Variants in KLRD1 observed in about 807,000 individuals in gnomAD.
The protein encoded by KLRD1 is natural killer cells antigen CD94.
KLRD1 carries 21 observed loss-of-function variants against 22.6 expected under a neutral mutation model. The observed-to-expected ratio is 0.93, with a 90% confidence interval of 0.66 to 1.34. The LOEUF (loss-of-function observed/expected upper bound fraction) is 1.34. Ranked by LOEUF, KLRD1 falls within the 40% of genes most tolerant of loss-of-function variation. The pLI, the probability that KLRD1 is intolerant of heterozygous loss-of-function variation, is 0.00. For synonymous variants in KLRD1, 59 were observed against 71.1 expected (o/e 0.83, Z 0.85); for missense variants, 183 against 208.6 (o/e 0.88, Z 0.76).
intron 1 of KLRD1, among the ~76,000 whole-genome samples, chr12:10,256,380 T>C (rs1949394962): frequency 6.6e-6 from 1 of 151,630 alleles, no homozygotes; most frequent in Non-Finnish European, 1.5e-5. Context: ...TTATAGTTAT[T>C]TTCCCACTCA....
rs1023552074 is a variant in KLRD1, at chr12:10,316,023, C to G, written c.*1230C>G. 6.9e-6 allele frequency: 1 copy of G among 145,208 alleles called. No individual in the cohort carries two copies. The allele number at this position is 145,208 out of a possible 1,614,324, so 9.0% of individuals were successfully genotyped here. ...ATCCCAGCTATTTGGGAGGCTGAGT[C>G]GAGAGGATCGCTTGAACCTAGGAGG... On this transcript the variant is annotated 3_prime_UTR_variant, in exon 6 of 6. Coordinates refer to ENST00000336164, the MANE Select transcript of KLRD1 (RefSeq NM_002262.5).
At chr12:10,299,121 T>C (rs1316796595) in intron 1 of KLRD1, among the ~76,000 whole-genome samples, 1 of 152,112 alleles carries the variant, frequency 6.6e-6, no homozygotes. Flanking sequence ...ATTTACTCTG[T>C]GTAAACAAAC....
Position 10,287,051 on chromosome 12 carries a change from G to A in KLRD1, c.-100-20927G>A, listed in dbSNP as rs548455835. On this transcript the variant is annotated intron_variant, in intron 1 of 5. Transcript: ENST00000544747. The stretch of plus-strand genomic sequence containing the variant: ...CTCAGGAGGCTGAGGCAGGAGAATC[G>A]CTTGAACCCGGGAGGCAGAGGTTGC... Among the ~76,000 whole-genome samples the A allele has an allele frequency of 8.5e-5, 13 of 152,142 alleles. No individual in the cohort carries two copies. The East Asian group carries it at 1.7e-3, about 20-fold the overall frequency.
At chr12:10,277,723 TTTTA>T (rs763514377) in intron 1 of KLRD1, among the ~76,000 whole-genome samples, 4 of 152,188 alleles carry the variant, frequency 2.6e-5, no homozygotes, top group African/African-American at 4.8e-5. Context: ...AAATTATAAT[TTTTA>T]TTTATTTTAT....
chr12:10,247,005 T>C (rs2137615073), intron 1 of KLRD1, among the ~76,000 whole-genome samples: 1 of 148,536 alleles, frequency 6.7e-6, no homozygotes, highest in South Asian at 2.2e-4. Context: ...CGATCTCGGC[T>C]CACTGCAACC....
At chr12:10,239,790 C>T (rs550959371) in intron 1 of KLRD1, among the ~76,000 whole-genome samples, 11 of 151,418 alleles carry the variant, frequency 7.3e-5, no homozygotes, top group South Asian at 2.1e-4. Flanking sequence ...TACAGGTGCC[C>T]GCCATCATGC....
upstream of KLRD1, among the ~76,000 whole-genome samples, chr12:10,305,918 T>G (rs1294472695): frequency 7.2e-5 from 11 of 151,926 alleles, no homozygotes; most frequent in Admixed American, 7.2e-4. Context: ...ATCCCAGCAC[T>G]TTGGGAGGCC....
At chr12:10,289,722 T>A (rs1247083160) in intron 1 of KLRD1, among the ~76,000 whole-genome samples, 1 of 152,198 alleles carries the variant, frequency 6.6e-6, no homozygotes, top group African/African-American at 2.4e-5. Context: ...TTGATACAGA[T>A]GCAAAAAGGG....
chr12:10,278,359 G>T (rs951672136), intron 1 of KLRD1, among the ~76,000 whole-genome samples: 1 of 152,092 alleles, frequency 6.6e-6, no homozygotes, highest in Non-Finnish European at 1.5e-5. Context: ...AATGGTGCCT[G>T]TCTTATCAAA....
At chr12:10,287,650 G>A (rs1949720211) in intron 1 of KLRD1, among the ~76,000 whole-genome samples, 1 of 152,138 alleles carries the variant, frequency 6.6e-6, no homozygotes, top group Non-Finnish European at 1.5e-5. Context: ...GCATGAAATG[G>A]AGAAACGAGG....
At chr12:10,275,645 G>T (rs1269478470) in intron 1 of KLRD1, among the ~76,000 whole-genome samples, 2 of 152,140 alleles carry the variant, frequency 1.3e-5, no homozygotes, top group African/African-American at 4.8e-5. Context: ...GGTATTCAAA[G>T]TTCACAGTTA....
At chr12:10,314,532 T>G (rs1433471790) in intron 5 of KLRD1, 141 bp from the exon 6 acceptor site, 2 of 592,766 alleles carry the variant, frequency 3.4e-6, no homozygotes, top group Non-Finnish European at 5.4e-6. Context: ...ATCATGAAAA[T>G]TGTGGTTACT....
At chr12:10,288,959 T>C (rs573284921) in intron 1 of KLRD1, among the ~76,000 whole-genome samples, 1 of 152,302 alleles carries the variant, frequency 6.6e-6, no homozygotes, top group African/African-American at 2.4e-5. Flanking sequence ...TGTTTGAGTA[T>C]TTATGTGTCT....
Position 10,318,364 on chromosome 12 carries a change from G to C in KLRD1, c.*3571G>C, listed in dbSNP as rs148473837. ...GATAATTACAGATCTTGTCTCTGCT[G>C]TGTGACCAGACACAGATAAAAGACT... is the stretch of plus-strand genomic sequence containing the variant. On this transcript the variant is annotated 3_prime_UTR_variant, in exon 6 of 6. Coordinates refer to ENST00000336164, the MANE Select transcript of KLRD1 (RefSeq NM_002262.5). The C allele has an allele frequency of 6.4e-4, 97 of 152,236 alleles. No individual in the cohort carries two copies. Among genetic ancestry groups the C allele is most frequent in the African/African-American group, 2.2e-3 (92 of 41,546 alleles). 9.4% of individuals were successfully genotyped at this position (152,236 alleles called of 1,614,324 possible).
intron 1 of KLRD1, among the ~76,000 whole-genome samples, chr12:10,241,175 T>C (rs2137608494): frequency 6.6e-6 from 1 of 152,302 alleles, no homozygotes; most frequent in East Asian, 1.9e-4. Context: ...CACAAAACGT[T>C]GAAAGTTTAA....
chr12:10,286,785 A>G (rs1350535117), intron 1 of KLRD1, among the ~76,000 whole-genome samples: 1 of 148,594 alleles, frequency 6.7e-6, no homozygotes, highest in Non-Finnish European at 1.5e-5. Context: ...TTGGAATTAC[A>G]GGCATGAGCC....
intron 1 of KLRD1, among the ~76,000 whole-genome samples, chr12:10,248,569 C>CCTTCCTTCCTTT: frequency 7.7e-6 from 1 of 130,484 alleles, no homozygotes; most frequent in Non-Finnish European, 1.6e-5. Context: ...TTCCTTCCTT[C>CCTTCCTTCCTTT]CTTCCTTCCT....
At chr12:10,286,661 G>GTTTTTTTTTTTTTTTTTTTTTTTTTT (rs1565459881) in intron 1 of KLRD1, among the ~76,000 whole-genome samples, 1 of 49,318 alleles carries the variant, frequency 2.0e-5, no homozygotes, top group African/African-American at 7.1e-5. Flanking sequence ...CGCTTATGGT[G>GTTTTTTTTTTTTTTTTTTTTTTTTTT]CTTTTTTTTT....
At chr12:10,271,119 A>G (rs1347227216) in intron 1 of KLRD1, among the ~76,000 whole-genome samples, 1 of 147,312 alleles carries the variant, frequency 6.8e-6, no homozygotes, top group African/African-American at 2.5e-5. Context: ...TTTAAACTAT[A>G]TCTTTCATCT....
Sources: gnomAD v4.1 joint callset for allele counts (sites outside exome capture counted in the v4.1 genomes callset) on GRCh38, gnomAD v4.1.1 for gene constraint, MANE v1.5 for transcripts, NCBI Gene and HGNC (gene_info 2026-07-23, HGNC 2026-07-21) for gene names.